The following UBE2Q2 variants were observed in gnomAD, a reference collection of about 807,000 sequenced individuals.
The protein encoded by UBE2Q2 is ubiquitin conjugating enzyme E2 Q2.
In UBE2Q2, 54 loss-of-function variants were observed where a neutral mutation model predicts 59.9. That is an observed-to-expected ratio of 0.90 (90% confidence interval 0.72 to 1.13). The LOEUF is 1.13. Ranked by LOEUF, UBE2Q2 falls within the 50% of genes most tolerant of loss-of-function variation. The probability of loss-of-function intolerance (pLI) is 0.00; values close to 1 mark genes in which losing one functional copy is unlikely to be tolerated. For synonymous variants in UBE2Q2, 165 were observed against 155.2 expected (o/e 1.06, Z -0.47); for missense variants, 433 against 441.9 (o/e 0.98, Z 0.18).
intron 12 of UBE2Q2, among the ~76,000 whole-genome samples, chr15:75,898,498 A>G (rs947064319): frequency 3.9e-5 from 6 of 152,212 alleles, no homozygotes; most frequent in African/African-American, 7.2e-5. Context: ...CATAGTTATC[A>G]TTTTTATGGT....
In UBE2Q2 at chr15:75,901,036, A is replaced by G. The variant is rs559517766; in HGVS notation, c.*1578A>G. 1 of 152,774 alleles carries G rather than the reference A, an allele frequency of 6.5e-6. No individual in the cohort carries two copies. Among genetic ancestry groups the G allele is most frequent in the South Asian group, 2.1e-4 (1 of 4,830 alleles). The allele number at this position is 152,774 out of a possible 1,614,324, so 9.5% of individuals were successfully genotyped here. On this transcript the variant is annotated 3_prime_UTR_variant, in exon 13 of 13. Transcript: ENST00000267938. ...GCATCAAGTTTATGAATAAAGAACC[A>G]TTTAAAAATTTTGTTTGTGCTGATC...
At chr15:75,895,969 A>G (rs1247892539) in intron 11 of UBE2Q2, among the ~76,000 whole-genome samples, 2 of 152,240 alleles carry the variant, frequency 1.3e-5, no homozygotes, top group South Asian at 2.1e-4. Context: ...ATGTCCACCA[A>G]TAGGGGACTG....
At chr15:75,868,864 T>C in intron 3 of UBE2Q2, 87 bp from the exon 4 acceptor site, 1 of 1,136,262 alleles carries the variant, frequency 8.8e-7, no homozygotes. Context: ...GACAGATGTT[T>C]GAGAGTTTGT....
chr15:75,853,754 G>C (rs1023428973), intron 1 of UBE2Q2, among the ~76,000 whole-genome samples: 5 of 152,162 alleles, frequency 3.3e-5, no homozygotes, highest in Non-Finnish European at 5.9e-5. Flanking sequence ...GTTGGTGGCA[G>C]CTGTGATCAT....
intron 11 of UBE2Q2, among the ~76,000 whole-genome samples, chr15:75,892,753 A>G (rs1056792723): frequency 6.6e-6 from 1 of 152,052 alleles, no homozygotes; most frequent in Non-Finnish European, 1.5e-5. Flanking sequence ...GTACCTGTCT[A>G]TAGTCTCAGC....
intron 2 of UBE2Q2, among the ~76,000 whole-genome samples, chr15:75,855,715 A>AT (rs1256238786): frequency 6.6e-6 from 1 of 152,168 alleles, no homozygotes; most frequent in Admixed American, 6.5e-5. Flanking sequence ...GTGATAAAGT[A>AT]TTTTTTTAAG....
At chr15:75,886,767 A>G (rs1898799198) in intron 9 of UBE2Q2, among the ~76,000 whole-genome samples, 1 of 152,030 alleles carries the variant, frequency 6.6e-6, no homozygotes, top group Non-Finnish European at 1.5e-5. Flanking sequence ...GGTGCCTGTA[A>G]TCCCAGCTCA....
Position 75,843,618 on chromosome 15 carries a change from C to T in UBE2Q2, c.-49C>T. On this transcript the variant is annotated 5_prime_UTR_variant, in exon 1 of 13. Transcript: ENST00000267938. ...GGCGGCTCCGGGCCCGGCTCCCCTT[C>T]CGCGCCCGGCTCCCCTTCCGCGCCC... 1.3e-6 allele frequency: 2 copies of T among 1,512,072 alleles called. No individual in the cohort carries two copies. Among genetic ancestry groups the T allele is most frequent in the African/African-American group, 1.4e-5 (1 of 68,972 alleles). The allele number at this position is 1,512,072 out of a possible 1,614,324, so 93.7% of individuals were successfully genotyped here. A position where few individuals can be genotyped will look rare whatever the true frequency, so the allele number is the denominator to read the frequency against.
At chr15:75,846,168 G>T (rs563472081) in intron 1 of UBE2Q2, among the ~76,000 whole-genome samples, 18 of 152,308 alleles carry the variant, frequency 1.2e-4, no homozygotes, top group Non-Finnish European at 2.4e-4. Flanking sequence ...TTTTGAAGCA[G>T]ATTCCAGACA....
At chr15:75,874,371 C>A (rs911883573) in intron 5 of UBE2Q2, among the ~76,000 whole-genome samples, 1 of 151,688 alleles carries the variant, frequency 6.6e-6, no homozygotes, top group Non-Finnish European at 1.5e-5. Flanking sequence ...GCAGCTTCCA[C>A]CTCCCAGGTT....
intron 5 of UBE2Q2, among the ~76,000 whole-genome samples, chr15:75,874,025 G>A (rs748219757): frequency 2.0e-5 from 3 of 152,016 alleles, no homozygotes; most frequent in Admixed American, 1.3e-4. Flanking sequence ...TGTAGATTAC[G>A]TTTCTTATCT....
intron 8 of UBE2Q2, among the ~76,000 whole-genome samples, chr15:75,881,879 A>G (rs578034599): frequency 6.6e-6 from 1 of 152,294 alleles, no homozygotes; most frequent in African/African-American, 2.4e-5. Context: ...TACTTTAAGA[A>G]GGGTCTATTT....
At chr15:75,880,459 A>G (rs1005288112) in intron 8 of UBE2Q2, among the ~76,000 whole-genome samples, 1 of 151,284 alleles carries the variant, frequency 6.6e-6, no homozygotes, top group Non-Finnish European at 1.5e-5. Context: ...AAGAATAGCA[A>G]TGGAATCTAG....
chr15:75,862,419 CTT>C (rs553538678), intron 3 of UBE2Q2, among the ~76,000 whole-genome samples: 1 of 139,150 alleles, frequency 7.2e-6, no homozygotes. Flanking sequence ...TTATTTTGGT[CTT>C]TTTTTTTTTT....
At chr15:75,867,446 G>GT (rs1393309184) in intron 3 of UBE2Q2, among the ~76,000 whole-genome samples, 3 of 152,150 alleles carry the variant, frequency 2.0e-5, no homozygotes, top group African/African-American at 7.2e-5. Flanking sequence ...TGTCCTTATA[G>GT]TTTTAGTTCA....
chr15:75,855,505 A>T (rs1896857187), intron 2 of UBE2Q2, among the ~76,000 whole-genome samples: 2 of 151,828 alleles, frequency 1.3e-5, no homozygotes, highest in Non-Finnish European at 2.9e-5. Flanking sequence ...AAAAAAAAAA[A>T]TTACTGTATT....
chr15:75,856,269 G>GTGTGTGTGTGTATATATATATA (rs1256142539), intron 2 of UBE2Q2, among the ~76,000 whole-genome samples: 119 of 139,250 alleles, frequency 8.5e-4, no homozygotes, highest in African/African-American at 3.0e-3. Context: ...GTGTGTGTGT[G>GTGTGTGTGTGTATATATATATA]TATATATATA....
chr15:75,879,243 A>G (rs1898260922), intron 8 of UBE2Q2, 55 bp downstream of exon 8: 11 of 1,116,844 alleles, frequency 9.8e-6, no homozygotes, highest in South Asian at 1.5e-5. Context: ...GTATATTTGT[A>G]CAAGTGCTTT....
At position 75,884,887 on chromosome 15, in the gene UBE2Q2, C is replaced by T. The variant is rs57626278; in HGVS notation, c.884+1463C>T. Among the ~76,000 whole-genome samples, 709 of 152,152 alleles carry T rather than the reference C, an allele frequency of 4.7e-3. 5 individuals are homozygous for T. Among genetic ancestry groups the T allele is most frequent in the African/African-American group, 0.016 (668 of 41,512 alleles). Reference sequence around the variant, plus strand: ...TGGTCTTGAACTCCTGGGCTGAAGCCATCTTACCCGCCTCAGCCTTGCAAA... The same window carrying T: ...TGGTCTTGAACTCCTGGGCTGAAGCTATCTTACCCGCCTCAGCCTTGCAAA... On this transcript the variant is annotated intron_variant, in intron 9 of 12. Transcript: ENST00000267938.
Sources: gnomAD v4.1 joint callset for allele counts (sites outside exome capture counted in the v4.1 genomes callset) on GRCh38, gnomAD v4.1.1 for gene constraint, MANE v1.5 for transcripts, NCBI Gene and HGNC (gene_info 2026-07-23, HGNC 2026-07-21) for gene names.